Variants in ADGRL3 observed in about 807,000 individuals in gnomAD.
The protein encoded by ADGRL3 is calcium-independent alpha-latrotoxin receptor 3.
ADGRL3 carries 62 observed loss-of-function variants against 153.5 expected under a neutral mutation model. The ratio of observed to expected loss-of-function variants is 0.40; its 90% confidence interval spans 0.33 to 0.50. The LOEUF is 0.50. Ranked by LOEUF, ADGRL3 falls within the 20% of genes least tolerant of loss-of-function variation. The probability of loss-of-function intolerance (pLI) is 0.47; values close to 1 mark genes in which losing one functional copy is unlikely to be tolerated. For missense variants in ADGRL3, 1,641 were observed against 1,859.4 expected, an observed-to-expected ratio of 0.88 and a Z score of 2.16; for synonymous variants, 710 against 672.5, an observed-to-expected ratio of 1.06 and a Z score of -0.86.
At position 61,308,111 on chromosome 4, in the gene ADGRL3, G is replaced by A. The variant is rs1217226217; in HGVS notation, c.-239-75013G>A. On this transcript the variant is annotated intron_variant, in intron 1 of 26. Coordinates refer to ENST00000683033, the MANE Select transcript of ADGRL3 (RefSeq NM_001387552.1). ...CACTTGGGAAGAAAAAGTTGCTTAT[G>A]AGCATGCAGACCTATGAGAAAGGGA... 3.3e-5 allele frequency among the ~76,000 whole-genome samples: 5 copies of A among 152,132 alleles called. No homozygotes were observed. In the South Asian group the frequency reaches 1.0e-3, roughly 32 times the overall value.
In ADGRL3 at chr4:62,035,628, T is replaced by G. The variant is rs149987982; in HGVS notation, c.3592-2103T>G. ...ATTTTAAGCCTTCTCAAGTTCTAAT[T>G]AAAGCATTTGTCCTCATTCTTTCCA... On this transcript the variant is annotated intron_variant, in intron 23 of 26. Coordinates refer to ENST00000683033, the MANE Select transcript of ADGRL3 (RefSeq NM_001387552.1). Among the ~76,000 whole-genome samples the G allele has an allele frequency of 3.1e-3, 473 of 152,218 alleles. 1 individual carries two copies. The highest frequency in any genetic ancestry group is 0.01 in the African/African-American group (432 of 41,562).
At chr4:61,378,916 G>A (rs893392763) in intron 1 of ADGRL3, among the ~76,000 whole-genome samples, 5 of 151,960 alleles carry the variant, frequency 3.3e-5, no homozygotes, top group African/African-American at 4.8e-5. Context: ...GTGGTTGAAC[G>A]AAGTACAAAT....
chr4:61,370,949 T>C (rs1406804055), intron 1 of ADGRL3, among the ~76,000 whole-genome samples: 6 of 150,746 alleles, frequency 4.0e-5, no homozygotes, highest in Non-Finnish European at 7.5e-5. Context: ...GATAGTTAGC[T>C]CTTCTTGTTG....
intron 9 of ADGRL3, among the ~76,000 whole-genome samples, chr4:61,855,289 G>A (rs2098250381): frequency 6.6e-6 from 1 of 152,114 alleles, no homozygotes; most frequent in African/African-American, 2.4e-5. Context: ...TTTCTAAACT[G>A]TAAAATAGAA....
intron 11 of ADGRL3, among the ~76,000 whole-genome samples, chr4:61,896,413 AT>A (rs2098631836): frequency 6.6e-6 from 1 of 152,176 alleles, no homozygotes; most frequent in South Asian, 2.1e-4. Flanking sequence ...GGGTTATGGG[AT>A]GAATCCTTAT....
intron 1 of ADGRL3, among the ~76,000 whole-genome samples, chr4:61,350,343 G>GTTT (rs34524532): frequency 3.1e-4 from 39 of 127,802 alleles, no homozygotes; most frequent in African/African-American, 5.7e-4. Flanking sequence ...TCTGATGGAG[G>GTTT]TTTTTTTTTT....
intron 8 of ADGRL3, among the ~76,000 whole-genome samples, chr4:61,736,472 A>C (rs2096515546): frequency 6.6e-6 from 1 of 152,114 alleles, no homozygotes; most frequent in African/African-American, 2.4e-5. Flanking sequence ...CCTGGCCAAC[A>C]TGGTGAAACT....
At chr4:61,362,889 C>CTGTAATACA (rs2096312998) in intron 1 of ADGRL3, among the ~76,000 whole-genome samples, 1 of 152,088 alleles carries the variant, frequency 6.6e-6, no homozygotes, top group Non-Finnish European at 1.5e-5. Flanking sequence ...ATCACTTCTG[C>CTGTAATACA]TGTAATGTAT....
chr4:61,352,932 A>T (rs554930056), intron 1 of ADGRL3, among the ~76,000 whole-genome samples: 2 of 152,184 alleles, frequency 1.3e-5, no homozygotes, highest in South Asian at 4.1e-4. Context: ...ATGAATTGAA[A>T]ATATTCCAAG....
At chr4:62,057,022 TA>T (rs1560563630) in intron 25 of ADGRL3, among the ~76,000 whole-genome samples, 1 of 151,936 alleles carries the variant, frequency 6.6e-6, no homozygotes, top group African/African-American at 2.4e-5. Context: ...GTAAGTGCAT[TA>T]AAAAAAATAA....
At position 61,202,481 on chromosome 4, in the gene ADGRL3, G is replaced by T. The variant is rs1474584314; in HGVS notation, c.-240+716G>T. ...GCTGCCACTTTCGTGGGTGGCCCGG[G>T]CTGCGCTGTGCTGGTAGTGGGCACT... On this transcript the variant is annotated intron_variant, in intron 1 of 26. Transcript: ENST00000683033. This position sits in a 1 kb window ranked among gnomAD's most constrained non-coding sequence, Gnocchi z 5.0. 6.6e-6 allele frequency among the ~76,000 whole-genome samples: 1 copy of T among 152,158 alleles called. No homozygotes were observed. Among genetic ancestry groups the T allele is most frequent in the African/African-American group, 2.4e-5 (1 of 41,448 alleles).
chr4:61,410,092 T>C lies in ADGRL3; in HGVS notation c.-174+26903T>C, dbSNP rs1252441953. Among the ~76,000 whole-genome samples the C allele has an allele frequency of 5.3e-5, 8 of 152,166 alleles. No homozygotes were observed. In the East Asian group the frequency reaches 1.4e-3, roughly 26 times the overall value. ...ATAGTGAAGGATGGAATAAGTTAAA[T>C]TGTGAAAGTTTTTTTTTCTAGTAAT... On this transcript the variant is annotated intron_variant, in intron 2 of 26. Transcript: ENST00000683033.
intron 1 of ADGRL3, among the ~76,000 whole-genome samples, chr4:61,240,493 T>C (rs1237242604): frequency 6.6e-6 from 1 of 152,164 alleles, no homozygotes; most frequent in East Asian, 1.9e-4. Context: ...AAGAAAACTT[T>C]ATTTTTCTTT....
chr4:61,868,445 C>T (rs1482131454), intron 9 of ADGRL3, among the ~76,000 whole-genome samples: 1 of 152,098 alleles, frequency 6.6e-6, no homozygotes, highest in Non-Finnish European at 1.5e-5. Flanking sequence ...ATATCTAGCC[C>T]AACCATTTTC....
chr4:61,984,302 GA>G (rs973178837), intron 19 of ADGRL3, among the ~76,000 whole-genome samples: 2 of 152,050 alleles, frequency 1.3e-5, no homozygotes, highest in Admixed American at 1.3e-4. Context: ...CTAGACCCAG[GA>G]CTAAAAAATA....
At position 62,074,335 on chromosome 4, in the gene ADGRL3, C is replaced by T. The variant is rs2151946961; in HGVS notation, c.*3427C>T. ...ATAATATTTTTGTCACATTTTTAGA[C>T]TTGGTTGTTTTTCCTCTTTGAAATC... On this transcript the variant is annotated 3_prime_UTR_variant, in exon 27 of 27. Transcript: ENST00000683033. 6.6e-6 allele frequency: 1 copy of T among 152,110 alleles called. No homozygotes were observed. The highest frequency in any genetic ancestry group is 1.5e-5 in the Non-Finnish European group (1 of 67,978). The allele number at this position is 152,110 out of a possible 1,614,324, so 9.4% of individuals were successfully genotyped here. A position where few individuals can be genotyped will look rare whatever the true frequency, so the allele number is the denominator to read the frequency against.
At chr4:62,031,715 G>A (rs1722135821) in intron 23 of ADGRL3, 105 bp downstream of exon 23, 1 of 758,922 alleles carries the variant, frequency 1.3e-6, no homozygotes, top group Non-Finnish European at 2.0e-6. Flanking sequence ...TTGTCTACAA[G>A]AAATAAAGAT....
chr4:61,596,941 A>C (rs1241583189), intron 5 of ADGRL3, among the ~76,000 whole-genome samples: 1 of 152,194 alleles, frequency 6.6e-6, no homozygotes, highest in African/African-American at 2.4e-5. Flanking sequence ...CTGTAAAGTT[A>C]GATATTTACC....
chr4:61,612,258 G>T (rs1318251957), intron 5 of ADGRL3, among the ~76,000 whole-genome samples: 1 of 152,062 alleles, frequency 6.6e-6, no homozygotes, highest in African/African-American at 2.4e-5. Context: ...CTGTCTTTCA[G>T]CCATGAGGTT....
Sources: gnomAD v4.1 joint callset for allele counts (sites outside exome capture counted in the v4.1 genomes callset) on GRCh38, gnomAD v4.1.1 for gene constraint, Gnocchi (gnomAD v3.1) non-coding constraint, MANE v1.5 for transcripts, NCBI Gene and HGNC (gene_info 2026-07-23, HGNC 2026-07-21) for gene names.